The following CSTPP1 variants were observed in gnomAD, a reference collection of about 807,000 sequenced individuals.
The protein encoded by CSTPP1 is centriolar satellite-associated tubulin polyglutamylase complex regulator 1.
At chr11:47,048,155 A>G in the CSTPP1 span, among the ~76,000 whole-genome samples, 66 of 152,346 alleles carry the variant, frequency 4.3e-4, no homozygotes, top group South Asian at 2.1e-3. Flanking sequence ...ACTTGTAGGT[A>G]TACATCTAAA....
At chr11:47,116,473 G>C in the CSTPP1 span, among the ~76,000 whole-genome samples, 1 of 152,020 alleles carries the variant, frequency 6.6e-6, no homozygotes, top group Non-Finnish European at 1.5e-5. Context: ...AGGTCTCTAA[G>C]GACTTGCTAT....
chr11:47,033,689 A>G, the CSTPP1 span, among the ~76,000 whole-genome samples: 5 of 152,198 alleles, frequency 3.3e-5, no homozygotes, highest in South Asian at 2.1e-4. Context: ...TTGGGGCTCA[A>G]TGGCTTTTTC....
the CSTPP1 span, among the ~76,000 whole-genome samples, chr11:47,008,827 G>A: frequency 4.6e-5 from 7 of 152,004 alleles, no homozygotes; most frequent in Non-Finnish European, 8.8e-5. Flanking sequence ...TCAGGAGATC[G>A]AGACCATCCT....
the CSTPP1 span, among the ~76,000 whole-genome samples, chr11:47,084,597 G>A: frequency 3.3e-5 from 5 of 152,074 alleles, no homozygotes; most frequent in East Asian, 3.9e-4. Flanking sequence ...GTTTTTCCCC[G>A]CTCCCCTCAT....
At chr11:47,081,707 T>A in the CSTPP1 span, among the ~76,000 whole-genome samples, 1 of 152,206 alleles carries the variant, frequency 6.6e-6, no homozygotes, top group African/African-American at 2.4e-5. Context: ...AGCATTTAAA[T>A]TAATGAGCAC....
the CSTPP1 span, among the ~76,000 whole-genome samples, chr11:46,954,733 A>T: frequency 2.6e-5 from 4 of 152,038 alleles, no homozygotes; most frequent in Admixed American, 2.0e-4. Flanking sequence ...TATAACAAAA[A>T]AAAGCAGTAC....
At chr11:47,135,564 A>G in the CSTPP1 span, among the ~76,000 whole-genome samples, 1 of 152,178 alleles carries the variant, frequency 6.6e-6, no homozygotes, top group Admixed American at 6.5e-5. Flanking sequence ...TGCCCTTGAC[A>G]TTATCTGGTC....
chr11:47,157,226 ACGGG>A, the CSTPP1 span: 1 of 1,555,900 alleles, frequency 6.4e-7, no homozygotes, highest in South Asian at 1.2e-5. Context: ...CAGGTGAGGA[ACGGG>A]CATGCAGCCC....
At chr11:46,969,868 G>A in the CSTPP1 span, among the ~76,000 whole-genome samples, 1 of 152,076 alleles carries the variant, frequency 6.6e-6, no homozygotes, top group Non-Finnish European at 1.5e-5. Flanking sequence ...GGGTTCAAGC[G>A]ATTCTCATGC....
chr11:46,954,101 T>TA, the CSTPP1 span, among the ~76,000 whole-genome samples: 388 of 152,204 alleles, frequency 2.5e-3, 4 homozygotes, highest in African/African-American at 9.0e-3. Flanking sequence ...TAAATCATTT[T>TA]AAAAAAAGAA....
chr11:47,055,887 C>G, the CSTPP1 span, among the ~76,000 whole-genome samples: 1 of 152,158 alleles, frequency 6.6e-6, no homozygotes, highest in African/African-American at 2.4e-5. Context: ...AATGTGGACT[C>G]AATTTTAAGT....
chr11:47,065,355 G>A, the CSTPP1 span, among the ~76,000 whole-genome samples: 1 of 151,870 alleles, frequency 6.6e-6, no homozygotes, highest in African/African-American at 2.4e-5. Context: ...TGTTGCCCTG[G>A]CTGGAGTGCA....
At chr11:47,164,129 GCA>G in the CSTPP1 span, 1 of 1,613,670 alleles carries the variant, frequency 6.2e-7, no homozygotes, top group Admixed American at 1.7e-5. Flanking sequence ...CCTCACGGCA[GCA>G]CAGAGCCAAG....
chr11:47,046,282 G>GAAA, the CSTPP1 span, among the ~76,000 whole-genome samples: 4 of 55,898 alleles, frequency 7.2e-5, no homozygotes, highest in Non-Finnish European at 1.1e-4. Flanking sequence ...TCCACCAAAA[G>GAAA]AAAAAAAAAA....
the CSTPP1 span, among the ~76,000 whole-genome samples, chr11:47,105,926 A>T: frequency 6.6e-6 from 1 of 152,248 alleles, no homozygotes; most frequent in African/African-American, 2.4e-5. Flanking sequence ...TTTAAGTCAA[A>T]GTGCCTCTTT....
chr11:47,090,482 T>G, the CSTPP1 span, among the ~76,000 whole-genome samples: 1 of 152,246 alleles, frequency 6.6e-6, no homozygotes, highest in South Asian at 2.1e-4. Context: ...AAAAACAGTT[T>G]TGACACTCAA....
At chr11:47,058,740 C>A in the CSTPP1 span, among the ~76,000 whole-genome samples, 2 of 152,154 alleles carry the variant, frequency 1.3e-5, no homozygotes, top group Non-Finnish European at 2.9e-5. Context: ...TGTTAAATAA[C>A]TTGCTGTAGG....
chr11:47,113,147 A>G, the CSTPP1 span, among the ~76,000 whole-genome samples: 1 of 152,172 alleles, frequency 6.6e-6, no homozygotes, highest in African/African-American at 2.4e-5. Context: ...AGCTTCATCT[A>G]TGTCCCTGCA....
At chr11:47,075,936 A>AG in the CSTPP1 span, among the ~76,000 whole-genome samples, 1 of 150,844 alleles carries the variant, frequency 6.6e-6, no homozygotes, top group South Asian at 2.1e-4. Flanking sequence ...CAAAAAAAAA[A>AG]AAAAAAAAAA....
Sources: allele counts gnomAD v4.1 joint callset (sites outside exome capture counted in the v4.1 genomes callset), GRCh38; gene constraint gnomAD v4.1.1; transcripts MANE v1.5; gene names NCBI Gene and HGNC (gene_info 2026-07-23, HGNC 2026-07-21).